Variants in CMSS1 observed in about 807,000 individuals in gnomAD.
CMSS1 encodes the protein protein CMSS1.
In CMSS1, 33 loss-of-function variants were observed where a neutral mutation model predicts 43.5. The ratio of observed to expected loss-of-function variants is 0.76; its 90% CI spans 0.57 to 1.01. The LOEUF is 1.01. Ranked by LOEUF, CMSS1 falls within the 50% of genes least tolerant of loss-of-function variation. The pLI, the probability that CMSS1 is intolerant of heterozygous loss-of-function variation, is 0.00. For synonymous variants in CMSS1, 115 were observed against 117.2 expected, an observed-to-expected ratio of 0.98 and a Z score of 0.12; for missense variants, 313 against 326.4, an observed-to-expected ratio of 0.96 and a Z score of 0.32.
At chr3:99,997,934 C>T (rs1403434875) in intron 1 of CMSS1, among the ~76,000 whole-genome samples, 1 of 152,126 alleles carries the variant, frequency 6.6e-6, no homozygotes, top group African/African-American at 2.4e-5. Context: ...CTTAGGATTT[C>T]TACATCAAGA....
intron 1 of CMSS1, among the ~76,000 whole-genome samples, chr3:99,922,566 A>G (rs1707158080): frequency 6.6e-6 from 1 of 152,214 alleles, no homozygotes; most frequent in Non-Finnish European, 1.5e-5. Context: ...AAAGTTTGCT[A>G]TTAGCCTAGA....
intron 1 of CMSS1, among the ~76,000 whole-genome samples, chr3:99,907,494 G>C (rs1486039497): frequency 1.3e-5 from 2 of 151,992 alleles, no homozygotes; most frequent in African/African-American, 2.4e-5. Flanking sequence ...TGATCCACCC[G>C]CCTCGGCCTC....
intron 1 of CMSS1, among the ~76,000 whole-genome samples, chr3:99,887,497 G>C (rs1395953921): frequency 6.6e-6 from 1 of 152,212 alleles, no homozygotes; most frequent in Non-Finnish European, 1.5e-5. Context: ...GGTCACATAA[G>C]ATGGATCCAG....
At chr3:100,158,521 A>G (rs1427958821) in intron 2 of CMSS1, among the ~76,000 whole-genome samples, 2 of 152,212 alleles carry the variant, frequency 1.3e-5, no homozygotes, top group African/African-American at 2.4e-5. Context: ...ATTTCTCCAT[A>G]AAGTCATCTC....
chr3:100,012,275 A>G (rs1710179548), intron 1 of CMSS1, among the ~76,000 whole-genome samples: 1 of 152,142 alleles, frequency 6.6e-6, no homozygotes, highest in Admixed American at 6.5e-5. Context: ...TACTTTGTCA[A>G]CCAATTAGAA....
intron 1 of CMSS1, among the ~76,000 whole-genome samples, chr3:100,077,186 A>G (rs1413672838): frequency 6.6e-6 from 1 of 152,230 alleles, no homozygotes; most frequent in Non-Finnish European, 1.5e-5. Flanking sequence ...GGAACTGCAT[A>G]CTTTCACATG....
At chr3:100,163,176 A>G (rs185032945) in intron 4 of CMSS1, among the ~76,000 whole-genome samples, 24 of 152,342 alleles carry the variant, frequency 1.6e-4, no homozygotes, top group East Asian at 7.7e-4. Flanking sequence ...AAACTATTCA[A>G]TGAGTAGGAA....
At chr3:100,109,320 A>G (rs1031606935) in intron 1 of CMSS1, among the ~76,000 whole-genome samples, 4 of 152,296 alleles carry the variant, frequency 2.6e-5, no homozygotes, top group African/African-American at 9.6e-5. Context: ...ATATAGAGCC[A>G]CACAATAAGG....
intron 1 of CMSS1, among the ~76,000 whole-genome samples, chr3:99,902,181 ACT>A (rs1458134337): frequency 6.6e-6 from 1 of 152,112 alleles, no homozygotes; most frequent in African/African-American, 2.4e-5. Flanking sequence ...AGTGTAACTG[ACT>A]CTTAGTATTC....
chr3:99,948,554 A>G (rs1708080439), intron 1 of CMSS1, among the ~76,000 whole-genome samples: 1 of 139,022 alleles, frequency 7.2e-6, no homozygotes, highest in Non-Finnish European at 1.5e-5. Context: ...GGGGAGGGGG[A>G]GAAGAAGGAG....
chr3:99,828,948 C>G (rs976575755), intron 1 of CMSS1, among the ~76,000 whole-genome samples: 1 of 151,880 alleles, frequency 6.6e-6, no homozygotes, highest in East Asian at 1.9e-4. Context: ...CATCATCCCT[C>G]TCAATGCTGC....
intron 1 of CMSS1, among the ~76,000 whole-genome samples, chr3:99,839,023 T>C (rs1295610097): frequency 6.6e-6 from 1 of 152,098 alleles, no homozygotes; most frequent in Non-Finnish European, 1.5e-5. Flanking sequence ...TGAATGTTGA[T>C]TATCTGCCCT....
At chr3:99,984,090 G>A (rs144237234) in intron 1 of CMSS1, among the ~76,000 whole-genome samples, 352 of 152,090 alleles carry the variant, frequency 2.3e-3, no homozygotes, top group Middle Eastern at 0.01. Flanking sequence ...AGCTACAAAG[G>A]TAAAAGAATA....
rs571995315 is a variant in CMSS1 at position 100,176,535 on chromosome 3, A to G, written c.756+120A>G. 8 of 644,142 alleles carry G rather than the reference A, an allele frequency of 1.2e-5. No homozygotes were observed. In the East Asian group the frequency reaches 1.4e-4, roughly 11 times the overall value. 39.9% of individuals were successfully genotyped at this position (644,142 alleles called of 1,614,324 possible). A position where few individuals can be genotyped will look rare whatever the true frequency, so the allele number is the denominator to read the frequency against. On this transcript the variant is annotated intron_variant, in intron 9 of 9. Transcript: ENST00000421999. ...CATGTTAGATTTTGAAATGATTTCT[A>G]TCTTTTTTAACTCTGAGCTAACTAT...
Position 99,930,161 on chromosome 3 carries a change from T to C in CMSS1, c.64+112118T>C, listed in dbSNP as rs1034615848. On this transcript the variant is annotated intron_variant, in intron 1 of 9. Transcript: ENST00000421999. ...ATGAATCATATTTCATTTTCACACTTTTATAAAAGGTAACAAAACTATATC... is the reference window on the plus strand; with the variant it reads ...ATGAATCATATTTCATTTTCACACTCTTATAAAAGGTAACAAAACTATATC... The C allele has an allele frequency of 8.0e-6, 6 of 746,668 alleles. No individual in the cohort carries two copies. The African/African-American group carries it at 8.9e-5, about 11-fold the overall frequency. The allele number at this position is 746,668 out of a possible 1,614,324, so 46.3% of individuals were successfully genotyped here. A position where few individuals can be genotyped will look rare whatever the true frequency, so the allele number is the denominator to read the frequency against.
At chr3:100,077,726 A>G (rs764049247) in intron 1 of CMSS1, among the ~76,000 whole-genome samples, 1 of 152,180 alleles carries the variant, frequency 6.6e-6, no homozygotes, top group Non-Finnish European at 1.5e-5. Context: ...CCTGGGCAAC[A>G]TGGCAAGACC....
rs528252376 is a variant in CMSS1, at chr3:100,044,566, G to A, written c.65-102407G>A. Among the ~76,000 whole-genome samples the A allele has an allele frequency of 6.6e-5, 10 of 152,270 alleles. No individual in the cohort carries two copies. The East Asian group carries it at 1.9e-3, about 29-fold the overall frequency. The stretch of plus-strand genomic sequence containing the variant: ...CTGAAAAAAGTCAAGCTAGACTAGA[G>A]CCCAGTGAAAGAGAGGGAAGTAGAA... On this transcript the variant is annotated intron_variant, in intron 1 of 9. Transcript: ENST00000421999.
Position 100,094,674 on chromosome 3 carries a change from C to CTT in CMSS1, c.65-52271_65-52270dup, listed in dbSNP as rs71132509. Among the ~76,000 whole-genome samples the CTT allele has an allele frequency of 3.9e-4, 22 of 57,018 alleles. 2 individuals carry two copies. The highest frequency in any genetic ancestry group is 1.1e-3 in the Admixed American group (4 of 3,718). 37.4% of individuals were successfully genotyped at this position (57,018 alleles called of 152,430 possible). A position where few individuals can be genotyped will look rare whatever the true frequency, so the allele number is the denominator to read the frequency against. ...CAGCACCATTTGTTGGAAAAGCTGC[C>CTT]TTTTTTTTTTTTTTTTTTTTTTTTT... On this transcript the variant is annotated intron_variant, in intron 1 of 9. Coordinates refer to ENST00000421999, the MANE Select transcript of CMSS1 (RefSeq NM_032359.4).
intron 1 of CMSS1, among the ~76,000 whole-genome samples, chr3:99,893,162 CTT>C (rs1200176411): frequency 2.0e-4 from 21 of 107,610 alleles, no homozygotes; most frequent in African/African-American, 4.4e-4. Flanking sequence ...GGCATCTAGA[CTT>C]TTTTTTTTTT....
Sources: allele counts gnomAD v4.1 joint callset (sites outside exome capture counted in the v4.1 genomes callset), GRCh38; gene constraint gnomAD v4.1.1; transcripts MANE v1.5; gene names NCBI Gene and HGNC (gene_info 2026-07-23, HGNC 2026-07-21).